ACACB: variants seen among roughly 807,000 people sequenced by gnomAD.
ACACB encodes the protein acetyl-CoA carboxylase beta.
A neutral mutation model predicts 278.8 loss-of-function variants in ACACB; 209 were observed. The ratio of observed to expected loss-of-function variants is 0.75; its 90% CI spans 0.67 to 0.84. The LOEUF is 0.84. ACACB is among the 40% of genes least tolerant of loss of function. ACACB has a pLI of 0.00. For missense variants in ACACB, 2,850 were observed against 3,269.0 expected (o/e 0.87, Z 3.13); for synonymous variants, 1,174 against 1,285.6 (o/e 0.91, Z 1.86).
chr12:109,198,925 C>T (rs2045234272), intron 17 of ACACB, among the ~76,000 whole-genome samples: 1 of 152,070 alleles, frequency 6.6e-6, no homozygotes, highest in South Asian at 2.1e-4. Context: ...CAGTGGCTCA[C>T]GTCTGTAATC....
intron 2 of ACACB, among the ~76,000 whole-genome samples, chr12:109,166,649 CAAA>C (rs869303420): frequency 1.2e-4 from 3 of 25,086 alleles, no homozygotes; most frequent in South Asian, 2.7e-3. Context: ...GATCCCGTCT[CAAA>C]AAAAAAAAAA....
In ACACB at chr12:109,162,047, G is replaced by C. The variant is rs544944708; in HGVS notation, c.654-4814G>C. Among the ~76,000 whole-genome samples, 16 of 151,110 alleles carry C rather than the reference G, an allele frequency of 1.1e-4. No homozygotes were observed. The East Asian group carries it at 3.1e-3, about 29-fold the overall frequency. On this transcript the variant is annotated intron_variant, in intron 2 of 52. Coordinates refer to ENST00000338432, the MANE Select transcript of ACACB (RefSeq NM_001093.4). ...GCTGGAGTGCAGTGGTGTGATCTCA[G>C]CTCACTGCAACCTCTGCCTCCCGGG...
chr12:109,185,394 A>G (rs1267787678), intron 11 of ACACB, among the ~76,000 whole-genome samples, 185 bp from the exon 12 acceptor site: 8 of 152,162 alleles, frequency 5.3e-5, no homozygotes, highest in African/African-American at 1.9e-4. Flanking sequence ...TGAAAAGTTC[A>G]TGTCTTATGG....
rs775085787 is a variant in ACACB at position 109,209,289 on chromosome 12, G to T, written c.3185G>T (p.Arg1062Leu). Residue 1062 changes from arginine (R) to leucine (L), a missense_variant, in exon 21 of 53, where the codon CGC becomes CTC. By Grantham distance (102) the Arg-to-Leu change is moderately radical. Around this residue, in one of 3 missense-constraint regions of ACACB, gnomAD observed 2,265 missense variants for 2,561.3 expected, o/e 0.88. Transcript: ENST00000338432. Reference sequence around the variant, plus strand: ...CCCGCCCCTGTGGAGAAGTCTGTCCGCAGGGTGATGGCCCAGTATGCCAGC... The same window carrying T: ...CCCGCCCCTGTGGAGAAGTCTGTCCTCAGGGTGATGGCCCAGTATGCCAGC... ...RIPAPVEKSV[R>L]RVMAQYASNI... 1.2e-6 allele frequency: 2 copies of T among 1,612,654 alleles called. No homozygotes were observed. The highest frequency in any genetic ancestry group is 2.2e-5 in the East Asian group (1 of 44,878).
intron 28 of ACACB, among the ~76,000 whole-genome samples, chr12:109,228,701 G>C (rs996979444): frequency 2.0e-5 from 3 of 151,998 alleles, no homozygotes; most frequent in Non-Finnish European, 4.4e-5. Context: ...GTCATACTGG[G>C]TGGCTCATGG....
At chr12:109,232,297 C>G (rs1162640025) in intron 28 of ACACB, among the ~76,000 whole-genome samples, 1 of 152,164 alleles carries the variant, frequency 6.6e-6, no homozygotes, top group Non-Finnish European at 1.5e-5. Context: ...AGGACCAAGC[C>G]TGACTGCCTC....
chr12:109,129,130 T>C (rs2042756762), intron 1 of ACACB, among the ~76,000 whole-genome samples: 5 of 151,934 alleles, frequency 3.3e-5, no homozygotes, highest in Admixed American at 6.6e-5. Flanking sequence ...TAAAAAAGAA[T>C]GGATACAGAT....
At chr12:109,258,892 G>C in intron 46 of ACACB, 81 bp from the exon 47 acceptor site, 6 of 1,555,536 alleles carry the variant, frequency 3.9e-6, no homozygotes, top group South Asian at 1.2e-5. Context: ...CTGCCATCCA[G>C]AGCGAGGTTC....
chr12:109,210,239 A>ACACACACATATCTGTG (rs2045737626), intron 21 of ACACB, among the ~76,000 whole-genome samples: 1 of 70,036 alleles, frequency 1.4e-5, no homozygotes, highest in African/African-American at 7.3e-5. Flanking sequence ...ATATGTATAT[A>ACACACACATATCTGTG]TGTATATATA....
At chr12:109,206,440 A>C (rs1173760941) in intron 19 of ACACB, among the ~76,000 whole-genome samples, 12 of 151,544 alleles carry the variant, frequency 7.9e-5, no homozygotes, top group Non-Finnish European at 2.9e-5. Flanking sequence ...AAAAAAAAAA[A>C]AAAACAGATC....
rs577886748 is a variant in ACACB, at chr12:109,168,087, C to T, written c.925+53C>T. 117 of 1,556,702 alleles carry T rather than the reference C, an allele frequency of 7.5e-5. 1 individual carries two copies. The African/African-American group carries it at 1.3e-3, about 18-fold the overall frequency. ...ATCACGCTCCATCCTTGCCTGCCCT[C>T]GCCTCCTTCCCCTGTGCCTAGGCAA... On this transcript the variant is annotated intron_variant, in intron 4 of 52. Transcript: ENST00000338432.
At chr12:109,190,626 G>GT (rs79826041) in intron 13 of ACACB, among the ~76,000 whole-genome samples, 118,419 of 150,620 alleles carry the variant, frequency 0.79, 46,595 homozygotes, top group Middle Eastern at 0.87. Context: ...TTTTCCCTTT[G>GT]TTTTTTTTTC....
At chr12:109,223,709 C>A in intron 26 of ACACB, 106 bp from the exon 27 acceptor site, 2 of 1,040,614 alleles carry the variant, frequency 1.9e-6, no homozygotes, top group Non-Finnish European at 3.0e-6. Flanking sequence ...CTGCGGTGAG[C>A]TATGATCACA....
intron 38 of ACACB, 54 bp from the exon 39 acceptor site, chr12:109,246,125 G>A (rs981037348): frequency 3.9e-6 from 6 of 1,546,408 alleles, no homozygotes; most frequent in Non-Finnish European, 4.4e-6. Context: ...AAAATAAAAA[G>A]TTTTCCCCCA....
Position 109,185,687 on chromosome 12 carries a change from C to T in ACACB, c.1927C>T (p.Leu643Phe), listed in dbSNP as rs1403882575. Reference sequence around the variant, plus strand: ...TTTTGAAACCCCCTCAAACCCTCCCCTCGCCCGAGGCCACGTCATTGCCGC... The same window carrying T: ...TTTTGAAACCCCCTCAAACCCTCCCTTCGCCCGAGGCCACGTCATTGCCGC... ...ISFETPSNPP[L>F]ARGHVIAARI... Residue 643 changes from leucine (L) to phenylalanine (F), a missense_variant, in exon 12 of 53, where the codon CTC (leucine) becomes TTC (phenylalanine). Coordinates refer to ENST00000338432, the MANE Select transcript of ACACB (RefSeq NM_001093.4). 32 of 1,613,670 alleles carry T rather than the reference C, an allele frequency of 2.0e-5. No individual in the cohort carries two copies. The highest frequency in any genetic ancestry group is 2.7e-5 in the Non-Finnish European group (32 of 1,179,858).
intron 27 of ACACB, among the ~76,000 whole-genome samples, chr12:109,224,453 A>G (rs544261818): frequency 2.8e-4 from 43 of 151,948 alleles, no homozygotes; most frequent in African/African-American, 1.0e-3. Context: ...TCCCGGGAGC[A>G]AGAATTCAGG....
Position 109,267,471 on chromosome 12 carries a change from C to A in ACACB, c.*1109C>A. On this transcript the variant is annotated 3_prime_UTR_variant, in exon 53 of 53. Transcript: ENST00000338432. ...CCCCAGCCTGCGCATGCACCCTCCTCTTGCCCAAGTGGGGAGCACAGAGGC... is the reference window on the plus strand; with the variant it reads ...CCCCAGCCTGCGCATGCACCCTCCTATTGCCCAAGTGGGGAGCACAGAGGC... 1 of 152,578 alleles carries A rather than the reference C, an allele frequency of 6.6e-6. No individual in the cohort carries two copies. The allele number at this position is 152,578 out of a possible 1,614,324, so 9.5% of individuals were successfully genotyped here.
chr12:109,170,200 G>A (rs2136177304), intron 4 of ACACB, among the ~76,000 whole-genome samples: 1 of 152,238 alleles, frequency 6.6e-6, no homozygotes, highest in Middle Eastern at 3.4e-3. Context: ...AAGTAGCTGG[G>A]ACTTCAGGCA....
chr12:109,243,181 T>C (rs2046847566), intron 37 of ACACB, among the ~76,000 whole-genome samples: 2 of 152,220 alleles, frequency 1.3e-5, no homozygotes, highest in Non-Finnish European at 2.9e-5. Context: ...TGTGTTTCCT[T>C]CTGGTCTTTT....
Sources: allele counts gnomAD v4.1 joint callset (sites outside exome capture counted in the v4.1 genomes callset), GRCh38; gene constraint gnomAD v4.1.1; regional missense constraint gnomAD v4.1.1; transcripts MANE v1.5; gene names NCBI Gene and HGNC (gene_info 2026-07-23, HGNC 2026-07-21).